The following FBXL7 variants were observed in gnomAD, a reference collection of about 807,000 sequenced individuals.
FBXL7 encodes the protein F-box/LRR-repeat protein 7.
Under a neutral mutation model 38.3 loss-of-function variants are expected in FBXL7, and 12 were observed. The ratio of observed to expected loss-of-function variants is 0.31; its 90% CI spans 0.20 to 0.51. The LOEUF (loss-of-function observed/expected upper bound fraction) is 0.51. Ranked by LOEUF, FBXL7 falls within the 20% of genes least tolerant of loss-of-function variation. FBXL7 has a pLI of 0.98. For synonymous variants in FBXL7, 297 were observed against 300.9 expected, an observed-to-expected ratio of 0.99 and a Z score of 0.13; for missense variants, 567 against 676.4, an observed-to-expected ratio of 0.84 and a Z score of 1.79.
chr5:15,709,355 A>G (rs745678062), intron 2 of FBXL7, among the ~76,000 whole-genome samples: 3 of 151,870 alleles, frequency 2.0e-5, no homozygotes, highest in Non-Finnish European at 4.4e-5. Flanking sequence ...CCAACATGGT[A>G]CAACCCTGTC....
At chr5:15,552,731 T>C (rs1738115672) in intron 1 of FBXL7, among the ~76,000 whole-genome samples, 1 of 152,192 alleles carries the variant, frequency 6.6e-6, no homozygotes, top group Non-Finnish European at 1.5e-5. Context: ...GATCTGACTG[T>C]GACGTCTTTT....
At position 15,937,352 on chromosome 5, in the gene FBXL7, G is replaced by C; in HGVS notation, c.*166G>C. The C allele has an allele frequency of 1.1e-6, 1 of 877,626 alleles. No homozygotes were observed. Among genetic ancestry groups the C allele is most frequent in the Non-Finnish European group, 1.7e-6 (1 of 596,708 alleles). The allele number at this position is 877,626 out of a possible 1,614,324, so 54.4% of individuals were successfully genotyped here. A position where few individuals can be genotyped will look rare whatever the true frequency, so the allele number is the denominator to read the frequency against. On this transcript the variant is annotated 3_prime_UTR_variant, in exon 4 of 4. Transcript: ENST00000504595. ...TTCCTCATTTCTCATGGGCAACAGA[G>C]GCCAAAGAAACGAAGCAAGACAAAC...
chr5:15,641,481 C>T (rs1741366741), intron 2 of FBXL7, among the ~76,000 whole-genome samples: 1 of 151,568 alleles, frequency 6.6e-6, no homozygotes. Flanking sequence ...GGAAGTATCC[C>T]TCATAACAGT....
chr5:15,878,524 A>G (rs191880416), intron 2 of FBXL7, among the ~76,000 whole-genome samples: 4 of 152,312 alleles, frequency 2.6e-5, no homozygotes, highest in Admixed American at 2.6e-4. Flanking sequence ...CAAACTATTT[A>G]TAATTAATTC....
chr5:15,505,838 C>T (rs983392949), intron 1 of FBXL7, among the ~76,000 whole-genome samples: 9 of 152,122 alleles, frequency 5.9e-5, no homozygotes, highest in Admixed American at 3.3e-4. Flanking sequence ...AAGTGTCCCC[C>T]ACATCCGCTG....
chr5:15,932,086 A>G (rs570056300), intron 3 of FBXL7, among the ~76,000 whole-genome samples: 54 of 152,300 alleles, frequency 3.5e-4, no homozygotes, highest in African/African-American at 1.2e-3. Flanking sequence ...GGCGTGTCAA[A>G]GTTTTAAGTG....
At chr5:15,588,677 G>A (rs1176026829) in intron 1 of FBXL7, among the ~76,000 whole-genome samples, 5 of 152,124 alleles carry the variant, frequency 3.3e-5, no homozygotes, top group Non-Finnish European at 4.4e-5. Flanking sequence ...GTGAGCCACC[G>A]CGCCCGGCCG....
chr5:15,723,930 T>C (rs1744271562), intron 2 of FBXL7, among the ~76,000 whole-genome samples: 1 of 152,210 alleles, frequency 6.6e-6, no homozygotes, highest in Non-Finnish European at 1.5e-5. Context: ...TAACACTATA[T>C]TACTTGATAC....
At chr5:15,817,772 C>A (rs1425906901) in intron 2 of FBXL7, among the ~76,000 whole-genome samples, 2 of 152,194 alleles carry the variant, frequency 1.3e-5, no homozygotes, top group African/African-American at 4.8e-5. Context: ...GCCTCCCCAG[C>A]CATGTGGAAC....
intron 1 of FBXL7, among the ~76,000 whole-genome samples, chr5:15,609,627 A>C (rs1262184172): frequency 6.6e-6 from 1 of 151,910 alleles, no homozygotes; most frequent in Non-Finnish European, 1.5e-5. Flanking sequence ...CACTGTGTTG[A>C]CTCCCTAAGG....
chr5:15,569,458 T>C (rs1282715595), intron 1 of FBXL7, among the ~76,000 whole-genome samples: 23 of 151,842 alleles, frequency 1.5e-4, no homozygotes, highest in African/African-American at 5.3e-4. Context: ...GAGACTTTGC[T>C]GAAGTTGCCT....
chr5:15,855,544 G>C (rs578173821), intron 2 of FBXL7, among the ~76,000 whole-genome samples: 1 of 151,978 alleles, frequency 6.6e-6, no homozygotes, highest in East Asian at 1.9e-4. Context: ...TCTGATCGTA[G>C]GAAAAATGAT....
intron 2 of FBXL7, among the ~76,000 whole-genome samples, chr5:15,887,559 A>T (rs949977809): frequency 1.3e-5 from 2 of 152,212 alleles, no homozygotes; most frequent in Non-Finnish European, 2.9e-5. Context: ...CAAACCATCA[A>T]GGCATGTCTA....
intron 2 of FBXL7, among the ~76,000 whole-genome samples, chr5:15,753,019 T>A (rs535879463): frequency 6.6e-6 from 1 of 152,282 alleles, no homozygotes; most frequent in African/African-American, 2.4e-5. Context: ...GATAAGACCT[T>A]GAACATTTTC....
chr5:15,566,467 G>A (rs907565124), intron 1 of FBXL7, among the ~76,000 whole-genome samples: 1 of 152,158 alleles, frequency 6.6e-6, no homozygotes, highest in Non-Finnish European at 1.5e-5. Context: ...ATTTAATTCA[G>A]TTCAGTCAAC....
intron 2 of FBXL7, among the ~76,000 whole-genome samples, chr5:15,740,580 T>C (rs1243604892): frequency 6.6e-6 from 1 of 152,210 alleles, no homozygotes; most frequent in African/African-American, 2.4e-5. Flanking sequence ...ACACAGACTG[T>C]TGCACATAGT....
chr5:15,849,507 C>T (rs1739028158), intron 2 of FBXL7, among the ~76,000 whole-genome samples: 2 of 152,118 alleles, frequency 1.3e-5, no homozygotes, highest in Non-Finnish European at 2.9e-5. Context: ...GTGAATAAGT[C>T]TCACAAGATC....
chr5:15,845,783 A>G (rs1738880339), intron 2 of FBXL7, among the ~76,000 whole-genome samples: 1 of 152,138 alleles, frequency 6.6e-6, no homozygotes, highest in South Asian at 2.1e-4. Flanking sequence ...CATCCTGGCT[A>G]ACACGGTGAA....
chr5:15,513,149 G>A (rs683393), intron 1 of FBXL7, among the ~76,000 whole-genome samples: 13,560 of 151,864 alleles, frequency 0.089, 1,841 homozygotes, highest in African/African-American at 0.29. Context: ...AATAACCAAT[G>A]TAAGAAAAAA....
Sources: gnomAD v4.1 joint callset for allele counts (sites outside exome capture counted in the v4.1 genomes callset) on GRCh38, gnomAD v4.1.1 for gene constraint, MANE v1.5 for transcripts, NCBI Gene and HGNC (gene_info 2026-07-23, HGNC 2026-07-21) for gene names.